Variants in ACLY observed in about 807,000 individuals in gnomAD.
The protein encoded by ACLY is ATP-citrate synthase.
ACLY carries 41 observed loss-of-function variants against 133.0 expected under a neutral mutation model. That is an observed-to-expected ratio of 0.31 (90% confidence interval 0.24 to 0.40). The LOEUF is 0.40. Ranked by LOEUF, ACLY falls within the 10% of genes least tolerant of loss-of-function variation. ACLY has a pLI of 1.00. For synonymous variants in ACLY, 495 were observed against 549.3 expected (o/e 0.90, Z 1.38); for missense variants, 1,046 against 1,453.8 (o/e 0.72, Z 4.56).
intron 22 of ACLY, among the ~76,000 whole-genome samples, chr17:41,877,566 T>C (rs1299088205): frequency 6.6e-6 from 1 of 151,988 alleles, no homozygotes; most frequent in Non-Finnish European, 1.5e-5. Flanking sequence ...TCCTTCCACC[T>C]TGACCTCCAA....
intron 7 of ACLY, 141 bp from the exon 8 acceptor site, chr17:41,906,787 C>T: frequency 1.4e-6 from 1 of 730,698 alleles, no homozygotes; most frequent in Non-Finnish European, 2.4e-6. Context: ...CGCAGGGCCC[C>T]ACATGCCTTG....
rs146805244 is a variant in ACLY at position 41,910,237 on chromosome 17, G to A, written c.330C>T (p.Phe110=). 7 of 1,613,682 alleles carry A rather than the reference G, an allele frequency of 4.3e-6. No individual in the cohort carries two copies. The highest frequency in any genetic ancestry group is 1.7e-5 in the Admixed American group (1 of 59,938). Residue 110 remains phenylalanine (F), a synonymous_variant, in exon 4 of 29, where the codon TTC becomes TTT. Coordinates refer to ENST00000352035, the MANE Select transcript of ACLY (RefSeq NM_001096.3). ...GFLKNFLIEP[F]VPHSQAEEFY... ...TCACACATACCTGACTGTGGGGGAC[G>A]AAGGGCTCGATCAGAAAGTTCTTGA...
In ACLY at chr17:41,903,665, A is replaced by G. The variant is rs562260538; in HGVS notation, c.1065+1064T>C. Reference sequence around the variant, plus strand: ...CAGCTACTTGGAGGACTGAGGCAGGAGAATGGCATGAATCCGGGAGGCGGA... The same window carrying G: ...CAGCTACTTGGAGGACTGAGGCAGGGGAATGGCATGAATCCGGGAGGCGGA... On this transcript the variant is annotated intron_variant, in intron 10 of 28. Coordinates refer to ENST00000352035, the MANE Select transcript of ACLY (RefSeq NM_001096.3). 9.1e-5 allele frequency among the ~76,000 whole-genome samples: 13 copies of G among 143,512 alleles called. No homozygotes were observed. In the East Asian group the frequency reaches 2.7e-3, roughly 30 times the overall value. 94.1% of individuals were successfully genotyped at this position (143,512 alleles called of 152,430 possible).
intron 10 of ACLY, 141 bp downstream of exon 10, chr17:41,904,588 G>A (rs966567423): frequency 2.7e-6 from 2 of 734,778 alleles, no homozygotes; most frequent in East Asian, 5.4e-5. Context: ...ACCCCTTTAA[G>A]AGACCCTGGG....
At chr17:41,872,210 G>T (rs1555625270) in intron 23 of ACLY, 28 bp from the exon 24 acceptor site, 1 of 1,604,294 alleles carries the variant, frequency 6.2e-7, no homozygotes, top group Non-Finnish European at 8.5e-7. Context: ...AAGGCCAGGA[G>T]ATGGTCGACA....
chr17:41,910,755 AG>A (rs1175814191), intron 3 of ACLY, among the ~76,000 whole-genome samples: 1 of 152,186 alleles, frequency 6.6e-6, no homozygotes, highest in Non-Finnish European at 1.5e-5. Flanking sequence ...TTCTCCACGC[AG>A]ACTCTCCTGG....
chr17:41,886,984 C>T (rs1012991587), intron 17 of ACLY, among the ~76,000 whole-genome samples: 4 of 151,218 alleles, frequency 2.6e-5, no homozygotes, highest in Non-Finnish European at 5.9e-5. Context: ...ATTAGCCAGG[C>T]GTGGTGGTTC....
At position 41,879,603 on chromosome 17, in the gene ACLY, C is replaced by A. The variant is rs1368819258; in HGVS notation, c.2266-679G>T. Among the ~76,000 whole-genome samples, 10 of 110,790 alleles carry A rather than the reference C, an allele frequency of 9.0e-5. 2 individuals carry two copies. In the Admixed American group the frequency reaches 1.3e-3, roughly 14 times the overall value. The allele number at this position is 110,790 out of a possible 152,430, so 72.7% of individuals were successfully genotyped here. A position where few individuals can be genotyped will look rare whatever the true frequency, so the allele number is the denominator to read the frequency against. ...CTGAGGTTGCAGTGAGCCAAGATTGCGCCACTGCACTCCAGCCAGGGTGAT... is the reference window on the plus strand; with the variant it reads ...CTGAGGTTGCAGTGAGCCAAGATTGAGCCACTGCACTCCAGCCAGGGTGAT... On this transcript the variant is annotated intron_variant, in intron 20 of 28. Coordinates refer to ENST00000352035, the MANE Select transcript of ACLY (RefSeq NM_001096.3).
rs2049088852 is a variant in ACLY, at chr17:41,887,589, G to T, written c.1875+10C>A. 1.4e-5 allele frequency: 22 copies of T among 1,612,770 alleles called. No individual in the cohort carries two copies. Among genetic ancestry groups the T allele is most frequent in the Non-Finnish European group, 1.8e-5 (21 of 1,179,000 alleles). ...TCGAACGTAAAAGGCTTTCCGGAGG[G>T]GAAGCTCACAGTGGCAGGTCCGATG... On this transcript the variant is annotated intron_variant, in intron 17 of 28. Transcript: ENST00000352035.
chr17:41,903,357 G>A (rs1183282372), intron 10 of ACLY, among the ~76,000 whole-genome samples: 2 of 152,128 alleles, frequency 1.3e-5, no homozygotes, highest in Non-Finnish European at 2.9e-5. Context: ...TCGTGAACAG[G>A]CACCCAGGTT....
Position 41,913,716 on chromosome 17 carries a change from T to C in ACLY, c.158A>G (p.Gln53Arg). The C allele has an allele frequency of 6.2e-7, 1 of 1,613,898 alleles. No homozygotes were observed. Among genetic ancestry groups the C allele is most frequent in the Non-Finnish European group, 8.5e-7 (1 of 1,179,886 alleles). ...LLQDHPWLLS[Q>R]NLVVKPDQLI... The stretch of plus-strand genomic sequence containing the variant: ...GCCCAAAGTGGAGGCAGGGCTCACC[T>C]GGCTGAGCAGCCAGGGGTGGTCCTG... Residue 53 changes from glutamine to arginine, a missense_variant and splice_region_variant, in exon 2 of 29, where the codon CAG (glutamine) becomes CGG (arginine). Transcript: ENST00000352035.
At chr17:41,930,074 C>G (rs2050299125) in intron 1 of ACLY, among the ~76,000 whole-genome samples, 2 of 152,184 alleles carry the variant, frequency 1.3e-5, no homozygotes, top group Admixed American at 1.3e-4. Flanking sequence ...CAGAATATGC[C>G]TTGGTCAAGG....
chr17:41,884,400 G>T, intron 18 of ACLY, 126 bp from the exon 19 acceptor site: 1 of 645,136 alleles, frequency 1.6e-6, no homozygotes, highest in Non-Finnish European at 2.8e-6. Flanking sequence ...GCCAGTAAGG[G>T]TCCAGAGATG....
chr17:41,900,280 G>A (rs2049499271), intron 11 of ACLY, among the ~76,000 whole-genome samples: 1 of 149,362 alleles, frequency 6.7e-6, no homozygotes, highest in African/African-American at 2.5e-5. Flanking sequence ...GGAGAATGGC[G>A]TGGACCCGGG....
At chr17:41,876,351 C>A (rs1446692216) in intron 22 of ACLY, among the ~76,000 whole-genome samples, 1 of 151,724 alleles carries the variant, frequency 6.6e-6, no homozygotes, top group Admixed American at 6.6e-5. Flanking sequence ...CGCCTCTGCC[C>A]GGCCGCCCCT....
chr17:41,893,266 C>G, intron 14 of ACLY, 92 bp from the exon 15 acceptor site: 1 of 1,412,474 alleles, frequency 7.1e-7, no homozygotes, highest in Non-Finnish European at 9.5e-7. Context: ...CCTCCACGCC[C>G]CATGTCCACA....
rs782372158 is a variant in ACLY at position 41,913,883 on chromosome 17, G to A, written c.-10C>T. Reference sequence around the variant, plus strand: ...TTGCCTTGGCCGACATGGCTGCAGAGAGACCTGCTCTACCTGTCTGGGAGA... The same window carrying A: ...TTGCCTTGGCCGACATGGCTGCAGAAAGACCTGCTCTACCTGTCTGGGAGA... On this transcript the variant is annotated 5_prime_UTR_variant, in exon 2 of 29. Transcript: ENST00000352035. 8.9e-5 allele frequency: 144 copies of A among 1,614,066 alleles called. No homozygotes were observed. The highest frequency in any genetic ancestry group is 7.6e-6 in the Non-Finnish European group (9 of 1,180,010).
intron 11 of ACLY, among the ~76,000 whole-genome samples, chr17:41,901,115 C>T (rs978450952): frequency 3.3e-5 from 5 of 151,576 alleles, no homozygotes; most frequent in Admixed American, 2.0e-4. Flanking sequence ...CCACCATGAC[C>T]GGCTAATTTT....
At position 41,910,239 on chromosome 17, in the gene ACLY, A is replaced by T; in HGVS notation, c.328T>A (p.Phe110Ile). 6.2e-7 allele frequency: 1 copy of T among 1,613,818 alleles called. No homozygotes were observed. The highest frequency in any genetic ancestry group is 1.1e-5 in the South Asian group (1 of 90,966). Reference sequence around the variant, plus strand: ...ACACATACCTGACTGTGGGGGACGAAGGGCTCGATCAGAAAGTTCTTGAGG... The same window carrying T: ...ACACATACCTGACTGTGGGGGACGATGGGCTCGATCAGAAAGTTCTTGAGG... ...GFLKNFLIEP[F>I]VPHSQAEEFY... is the part of the protein sequence containing the mutation. Residue 110 changes from phenylalanine to isoleucine, a missense_variant, in exon 4 of 29, where the codon TTC (phenylalanine) becomes ATC (isoleucine). Phe to Ile is a conservative substitution (Grantham distance 21). This residue lies in a region of ACLY where 227 missense variants were observed against 245.6 expected (regional missense o/e 0.92). Coordinates refer to ENST00000352035, the MANE Select transcript of ACLY (RefSeq NM_001096.3).
Sources: allele counts gnomAD v4.1 joint callset (sites outside exome capture counted in the v4.1 genomes callset), GRCh38; gene constraint gnomAD v4.1.1; regional missense constraint gnomAD v4.1.1; transcripts MANE v1.5; gene names NCBI Gene and HGNC (gene_info 2026-07-23, HGNC 2026-07-21).